The following TRMT11 variants were observed in gnomAD, a reference collection of about 807,000 sequenced individuals.
TRMT11 encodes the protein tRNA (guanine(10)-N(2))-methyltransferase TRMT11.
A neutral mutation model predicts 62.8 loss-of-function variants in TRMT11; 53 were observed. The ratio of observed to expected loss-of-function variants is 0.84; its 90% CI spans 0.68 to 1.06. The LOEUF (loss-of-function observed/expected upper bound fraction) is 1.06, where lower values mean the gene tolerates loss of function less well. TRMT11 is among the 50% of genes least tolerant of loss of function. The probability of loss-of-function intolerance (pLI) is 0.00; values close to 1 mark genes in which losing one functional copy is unlikely to be tolerated. For missense variants in TRMT11, 556 were observed against 553.4 expected (o/e 1.00, Z -0.05); for synonymous variants, 188 against 190.3 (o/e 0.99, Z 0.10).
chr6:126,232,349 C>T, the TRMT11 span, among the ~76,000 whole-genome samples: 1 of 152,126 alleles, frequency 6.6e-6, no homozygotes, highest in East Asian at 1.9e-4. Flanking sequence ...TAGAAGAAAA[C>T]CCCCAAACTC....
intron 1 of TRMT11, among the ~76,000 whole-genome samples, chr6:126,188,561 T>C (rs1177025425): frequency 1.3e-5 from 2 of 152,160 alleles, no homozygotes; most frequent in Non-Finnish European, 2.9e-5. Context: ...TCATGTTAAA[T>C]TCTATTCAAA....
chr6:126,150,657 C>T (rs1159141597), intron 21 of TRMT11, among the ~76,000 whole-genome samples: 2 of 152,184 alleles, frequency 1.3e-5, no homozygotes, highest in Non-Finnish European at 2.9e-5. Flanking sequence ...GCTTACTGCT[C>T]TTCCTCCCTG....
At chr6:126,159,941 A>T (rs1778170086) in intron 21 of TRMT11, among the ~76,000 whole-genome samples, 1 of 152,216 alleles carries the variant, frequency 6.6e-6, no homozygotes, top group African/African-American at 2.4e-5. Flanking sequence ...GAAGGAAACT[A>T]CAAAATATAA....
intron 12 of TRMT11, among the ~76,000 whole-genome samples, chr6:126,030,818 CA>C (rs1356198576): frequency 1.3e-5 from 2 of 152,170 alleles, no homozygotes; most frequent in Non-Finnish European, 2.9e-5. Context: ...TAGAGCTCTG[CA>C]ACTTCATCCT....
chr6:126,197,949 A>T (rs1014198299), intron 1 of TRMT11, among the ~76,000 whole-genome samples: 1 of 152,190 alleles, frequency 6.6e-6, no homozygotes, highest in Non-Finnish European at 1.5e-5. Context: ...ACCTCTCATA[A>T]CTAGTAGACC....
At chr6:126,144,231 T>C (rs1312982808) in intron 21 of TRMT11, among the ~76,000 whole-genome samples, 1 of 152,202 alleles carries the variant, frequency 6.6e-6, no homozygotes, top group African/African-American at 2.4e-5. Flanking sequence ...TGTGGTGTTT[T>C]CCTTTTATTT....
At chr6:126,161,118 A>G (rs1778185417) in intron 21 of TRMT11, among the ~76,000 whole-genome samples, 1 of 152,098 alleles carries the variant, frequency 6.6e-6, no homozygotes, top group South Asian at 2.1e-4. Flanking sequence ...TCTGGGATAC[A>G]TGTGCAGAAT....
intron 18 of TRMT11, among the ~76,000 whole-genome samples, chr6:126,114,122 A>G (rs1190539265): frequency 6.6e-6 from 1 of 152,144 alleles, no homozygotes; most frequent in Non-Finnish European, 1.5e-5. Flanking sequence ...GCATTGTTGC[A>G]TGAAACTTGA....
intron 12 of TRMT11, among the ~76,000 whole-genome samples, chr6:126,026,789 T>C (rs1773204252): frequency 6.6e-6 from 1 of 150,796 alleles, no homozygotes; most frequent in Non-Finnish European, 1.5e-5. Context: ...CATGGTAGAA[T>C]GTGGTTTTTT....
intron 17 of TRMT11, among the ~76,000 whole-genome samples, chr6:126,058,351 A>G (rs1562309980): frequency 2.0e-5 from 3 of 152,174 alleles, no homozygotes; most frequent in Non-Finnish European, 2.9e-5. Flanking sequence ...TATCCAGTCT[A>G]TCATTGATAG....
chr6:126,081,371 C>T (rs542922416), intron 17 of TRMT11, among the ~76,000 whole-genome samples: 1 of 152,292 alleles, frequency 6.6e-6, no homozygotes, highest in Admixed American at 6.5e-5. Flanking sequence ...TTCTATTATA[C>T]AGTCCACAGA....
At chr6:126,175,110 C>G (rs755787566), upstream of TRMT11, among the ~76,000 whole-genome samples, 41 of 152,184 alleles carry the variant, frequency 2.7e-4, no homozygotes, top group Admixed American at 1.6e-3. Flanking sequence ...TGTTTTGTAT[C>G]ATTGACTACT....
upstream of TRMT11, among the ~76,000 whole-genome samples, chr6:126,172,720 A>G (rs1473100838): frequency 6.6e-6 from 1 of 152,138 alleles, no homozygotes. Context: ...TAGAGTCTTC[A>G]TTCTTTCATG....
chr6:126,174,062 C>T (rs1778358538), upstream of TRMT11, among the ~76,000 whole-genome samples: 1 of 152,150 alleles, frequency 6.6e-6, no homozygotes, highest in South Asian at 2.1e-4. Context: ...CATCCCAGAA[C>T]CTGATGTTTT....
At chr6:126,271,981 A>C in the TRMT11 span, among the ~76,000 whole-genome samples, 1 of 152,228 alleles carries the variant, frequency 6.6e-6, no homozygotes, top group Non-Finnish European at 1.5e-5. Context: ...ACCCACATTG[A>C]TATGGGTTAC....
intron 12 of TRMT11, among the ~76,000 whole-genome samples, chr6:126,033,633 T>G (rs532502715): frequency 6.6e-6 from 1 of 152,110 alleles, no homozygotes; most frequent in Non-Finnish European, 1.5e-5. Flanking sequence ...ATGCTAACAT[T>G]CCCTGAGGAA....
chr6:126,220,211 G>A, the TRMT11 span, among the ~76,000 whole-genome samples: 1 of 152,272 alleles, frequency 6.6e-6, no homozygotes, highest in South Asian at 2.1e-4. Flanking sequence ...AGGGGGTAGA[G>A]GTGTACAGTC....
At chr6:126,083,689 A>T (rs915344350) in intron 17 of TRMT11, among the ~76,000 whole-genome samples, 6 of 152,136 alleles carry the variant, frequency 3.9e-5, no homozygotes, top group Non-Finnish European at 7.4e-5. Context: ...TTATTACATA[A>T]AGTCCTCATG....
At chr6:126,257,875 G>A in the TRMT11 span, 1 of 1,336,408 alleles carries the variant, frequency 7.5e-7, no homozygotes, top group East Asian at 2.3e-5. Context: ...TGAGGTCGGG[G>A]GGACAGTGAT....
Sources: gnomAD v4.1 joint callset for allele counts (sites outside exome capture counted in the v4.1 genomes callset) on GRCh38, gnomAD v4.1.1 for gene constraint, MANE v1.5 for transcripts, NCBI Gene and HGNC (gene_info 2026-07-23, HGNC 2026-07-21) for gene names.